The following RALYL variants were observed in gnomAD, a reference collection of about 807,000 sequenced individuals.
The protein encoded by RALYL is RALY RNA binding protein like.
RALYL carries 29 observed loss-of-function variants against 35.1 expected under a neutral mutation model. The observed-to-expected ratio is 0.83, with a 90% CI of 0.61 to 1.13. RALYL has a LOEUF of 1.13. Ranked by LOEUF, RALYL falls within the 50% of genes most tolerant of loss-of-function variation. The pLI is 0.00. For synonymous variants in RALYL, 120 were observed against 127.6 expected (o/e 0.94, Z 0.40); for missense variants, 359 against 360.4 (o/e 1.00, Z 0.03).
chr8:84,615,348 A>AC (rs2130938465), intron 2 of RALYL, among the ~76,000 whole-genome samples: 1 of 151,490 alleles, frequency 6.6e-6, no homozygotes, highest in South Asian at 2.1e-4. Context: ...TGAAAAAAAA[A>AC]AAAACAGAAC....
At chr8:84,358,883 C>T (rs1432813454) in intron 1 of RALYL, among the ~76,000 whole-genome samples, 3 of 151,960 alleles carry the variant, frequency 2.0e-5, no homozygotes, top group Non-Finnish European at 4.4e-5. Context: ...TTTGTAGTAG[C>T]TTATTGGAGA....
At chr8:84,448,242 G>GTATA (rs1331657280) in intron 1 of RALYL, among the ~76,000 whole-genome samples, 1 of 151,910 alleles carries the variant, frequency 6.6e-6, no homozygotes, top group Non-Finnish European at 1.5e-5. Flanking sequence ...ATGTATGTAT[G>GTATA]TATGGCTTGT....
chr8:84,611,991 T>G (rs1369640226), intron 2 of RALYL, among the ~76,000 whole-genome samples: 1 of 152,046 alleles, frequency 6.6e-6, no homozygotes, highest in African/African-American at 2.4e-5. Flanking sequence ...AAATTTACTG[T>G]TCCGGTTTTT....
At chr8:84,526,014 C>T (rs1478593183) in intron 1 of RALYL, among the ~76,000 whole-genome samples, 2 of 134,670 alleles carry the variant, frequency 1.5e-5, no homozygotes, top group African/African-American at 2.9e-5. Flanking sequence ...TGCAGTGGGG[C>T]ACTTTCTGCT....
At chr8:84,450,476 T>G (rs753091186) in intron 1 of RALYL, among the ~76,000 whole-genome samples, 3 of 151,950 alleles carry the variant, frequency 2.0e-5, no homozygotes, top group African/African-American at 7.2e-5. Context: ...TATGTCTGAT[T>G]GCTAATTACC....
At chr8:84,601,805 A>G (rs940189219) in intron 2 of RALYL, among the ~76,000 whole-genome samples, 1 of 152,094 alleles carries the variant, frequency 6.6e-6, no homozygotes, top group Non-Finnish European at 1.5e-5. Flanking sequence ...AACTTAAGTA[A>G]CAAAATCTAT....
At chr8:84,239,671 A>T (rs1246491389) in intron 1 of RALYL, among the ~76,000 whole-genome samples, 2 of 152,134 alleles carry the variant, frequency 1.3e-5, no homozygotes, top group Non-Finnish European at 2.9e-5. Context: ...CGGGCAGGTC[A>T]TCTGAGATCA....
chr8:84,381,763 C>T (rs1858038630), intron 1 of RALYL, among the ~76,000 whole-genome samples: 1 of 151,724 alleles, frequency 6.6e-6, no homozygotes, highest in Non-Finnish European at 1.5e-5. Context: ...ATTTTTGCTG[C>T]ATCTAATATG....
chr8:84,738,233 T>C (rs1223471464), intron 2 of RALYL, among the ~76,000 whole-genome samples: 1 of 151,318 alleles, frequency 6.6e-6, no homozygotes, highest in Non-Finnish European at 1.5e-5. Flanking sequence ...TTTTAAAGAG[T>C]AGGAATTGGA....
At chr8:84,433,121 A>T (rs190322717) in intron 1 of RALYL, among the ~76,000 whole-genome samples, 1 of 152,288 alleles carries the variant, frequency 6.6e-6, no homozygotes, top group East Asian at 1.9e-4. Flanking sequence ...ACTTTTAAAA[A>T]CATCAAACAC....
intron 2 of RALYL, among the ~76,000 whole-genome samples, chr8:84,606,141 C>T (rs1265054896): frequency 6.6e-6 from 1 of 152,072 alleles, no homozygotes; most frequent in African/African-American, 2.4e-5. Context: ...TTTGGTATTC[C>T]CCTATTCCTA....
intron 1 of RALYL, among the ~76,000 whole-genome samples, chr8:84,377,459 T>TTG (rs1334387239): frequency 7.1e-6 from 1 of 139,932 alleles, no homozygotes; most frequent in Non-Finnish European, 1.5e-5. Context: ...CTGTTTTTTT[T>TTG]TTTTTTTTTT....
intron 1 of RALYL, among the ~76,000 whole-genome samples, chr8:84,461,252 C>G (rs2050738745): frequency 6.6e-6 from 1 of 151,480 alleles, no homozygotes; most frequent in African/African-American, 2.4e-5. Context: ...ATGATACCTT[C>G]CATTTTAATC....
In RALYL at chr8:84,814,645, G is replaced by C. The variant is rs369086611; in HGVS notation, c.365+9843G>C. On this transcript the variant is annotated intron_variant, in intron 4 of 8. Coordinates refer to ENST00000521268, the MANE Select transcript of RALYL (RefSeq NM_173848.7). Reference sequence around the variant, plus strand: ...TGCAGTGGAAAAAAAAACTGTCAAAGAAAGTTACAAGAAGTTATTTCCTTA... The same window carrying C: ...TGCAGTGGAAAAAAAAACTGTCAAACAAAGTTACAAGAAGTTATTTCCTTA... 7.4e-4 allele frequency among the ~76,000 whole-genome samples: 112 copies of C among 152,166 alleles called. 2 individuals carry two copies. The highest frequency in any genetic ancestry group is 2.5e-3 in the African/African-American group (105 of 41,530).
At chr8:84,846,048 A>G (rs1441713416) in intron 4 of RALYL, among the ~76,000 whole-genome samples, 1 of 152,074 alleles carries the variant, frequency 6.6e-6, no homozygotes, top group African/African-American at 2.4e-5. Context: ...GCCTTGTAGT[A>G]TAGTTTGAAG....
chr8:84,745,434 G>T (rs1209746064), intron 2 of RALYL, among the ~76,000 whole-genome samples: 2 of 152,032 alleles, frequency 1.3e-5, no homozygotes, highest in East Asian at 1.9e-4. Flanking sequence ...GGTTTCTATT[G>T]TGTAATTAAG....
chr8:84,386,432 CA>C (rs1859215416), intron 1 of RALYL, among the ~76,000 whole-genome samples: 1 of 151,684 alleles, frequency 6.6e-6, no homozygotes, highest in Non-Finnish European at 1.5e-5. Context: ...TTAATTTTAA[CA>C]AAAATTGGGA....
chr8:84,319,736 G>A (rs1033366879), intron 1 of RALYL, among the ~76,000 whole-genome samples: 6 of 152,054 alleles, frequency 3.9e-5, no homozygotes, highest in African/African-American at 1.2e-4. Context: ...TAGAAAAGGT[G>A]AAGCAATTTG....
intron 4 of RALYL, among the ~76,000 whole-genome samples, chr8:84,808,880 T>G (rs796160753): frequency 2.0e-5 from 3 of 152,274 alleles, no homozygotes; most frequent in African/African-American, 7.2e-5. Context: ...TGCTGAATTC[T>G]TTTATCCATT....
Sources: allele counts gnomAD v4.1 joint callset (sites outside exome capture counted in the v4.1 genomes callset), GRCh38; gene constraint gnomAD v4.1.1; transcripts MANE v1.5; gene names NCBI Gene and HGNC (gene_info 2026-07-23, HGNC 2026-07-21).